KSR2: variants seen among roughly 807,000 people sequenced by gnomAD.
KSR2 encodes the protein kinase suppressor of ras 2.
KSR2 carries 25 observed loss-of-function variants against 107.8 expected under a neutral mutation model. The ratio of observed to expected loss-of-function variants is 0.23; its 90% CI spans 0.17 to 0.32. The LOEUF is 0.32. Ranked by LOEUF, KSR2 falls within the 10% of genes least tolerant of loss-of-function variation. The pLI, the probability that KSR2 is intolerant of heterozygous loss-of-function variation, is 1.00. For synonymous variants in KSR2, 480 were observed against 507.0 expected (o/e 0.95, Z 0.71); for missense variants, 887 against 1,268.9 (o/e 0.70, Z 4.57).
intron 3 of KSR2, among the ~76,000 whole-genome samples, chr12:117,831,298 G>T (rs1211355272): frequency 2.0e-5 from 3 of 152,182 alleles, no homozygotes; most frequent in Non-Finnish European, 4.4e-5. Context: ...TTCCCTCGAG[G>T]AGAAGTTTCC....
At chr12:117,470,722 AAG>A (rs1290005275) in intron 18 of KSR2, among the ~76,000 whole-genome samples, 1 of 152,200 alleles carries the variant, frequency 6.6e-6, no homozygotes, top group East Asian at 1.9e-4. Flanking sequence ...TTCTGATCAA[AAG>A]AGAGGATTCT....
At chr12:117,485,482 T>A (rs1872410199) in intron 15 of KSR2, 113 bp downstream of exon 15, 2 of 750,038 alleles carry the variant, frequency 2.7e-6, no homozygotes, top group Non-Finnish European at 4.6e-6. Context: ...TAAGTCCAGA[T>A]TGGTAGTCTG....
At chr12:117,593,464 T>C (rs1298309816) in intron 5 of KSR2, among the ~76,000 whole-genome samples, 1 of 152,210 alleles carries the variant, frequency 6.6e-6, no homozygotes, top group Non-Finnish European at 1.5e-5. Context: ...ACCCAGAAAC[T>C]GGTGAAGACT....
intron 3 of KSR2, among the ~76,000 whole-genome samples, chr12:117,815,993 G>A (rs1329587249): frequency 7.4e-5 from 2 of 27,078 alleles, no homozygotes; most frequent in East Asian, 2.4e-3. Context: ...AAAATAAAGT[G>A]TGTGTGTGTG....
rs890279359 is a variant in KSR2, at chr12:117,718,345, T to C, written c.986+42666A>G. 3.9e-5 allele frequency among the ~76,000 whole-genome samples: 6 copies of C among 152,206 alleles called. 1 individual carries two copies. The highest frequency in any genetic ancestry group is 3.9e-4 in the Admixed American group (6 of 15,276). On this transcript the variant is annotated intron_variant, in intron 4 of 19. Transcript: ENST00000339824. The stretch of plus-strand genomic sequence containing the variant: ...CTGAAACCCTGTTGTTCACTGTCCA[T>C]GGAAGGAAAGAGATTGCTCAGCAAC...
At chr12:117,968,047 T>C in intron 1 of KSR2, 29 bp downstream of exon 1, 2 of 1,209,034 alleles carry the variant, frequency 1.7e-6, no homozygotes, top group African/African-American at 1.6e-5. Context: ...TTTTTTTTTT[T>C]TTTTTTTTTT....
chr12:117,611,652 C>T (rs1881608618), intron 5 of KSR2, among the ~76,000 whole-genome samples: 2 of 152,186 alleles, frequency 1.3e-5, no homozygotes, highest in Non-Finnish European at 2.9e-5. Context: ...GTAGAAATGA[C>T]AGCTGAGCTC....
At chr12:117,769,735 C>T (rs1464145511) in intron 3 of KSR2, among the ~76,000 whole-genome samples, 1 of 152,148 alleles carries the variant, frequency 6.6e-6, no homozygotes, top group Non-Finnish European at 1.5e-5. Flanking sequence ...TCATTTTGAG[C>T]CTGACACAGA....
At chr12:117,503,952 C>T (rs373214044) in intron 14 of KSR2, among the ~76,000 whole-genome samples, 20 of 152,108 alleles carry the variant, frequency 1.3e-4, no homozygotes, top group Non-Finnish European at 2.2e-4. Flanking sequence ...GTTGAAAAAA[C>T]GTAGTTCTTT....
intron 5 of KSR2, among the ~76,000 whole-genome samples, chr12:117,588,923 C>A (rs1593024610): frequency 6.6e-6 from 1 of 152,174 alleles, no homozygotes; most frequent in African/African-American, 2.4e-5. Context: ...AATGCTCAGA[C>A]ATATTTACCG....
chr12:117,700,474 T>C (rs1886256922), intron 4 of KSR2, among the ~76,000 whole-genome samples: 1 of 152,182 alleles, frequency 6.6e-6, no homozygotes. Context: ...TAGAACAAGG[T>C]CCTTAATGAA....
intron 9 of KSR2, among the ~76,000 whole-genome samples, chr12:117,552,138 G>A (rs546723802): frequency 2.6e-4 from 39 of 152,322 alleles, no homozygotes; most frequent in South Asian, 8.3e-4. Context: ...CAATAACAAA[G>A]GAAAAGTGGA....
intron 4 of KSR2, among the ~76,000 whole-genome samples, chr12:117,719,521 T>C (rs1223438238): frequency 6.6e-6 from 1 of 152,196 alleles, no homozygotes; most frequent in Non-Finnish European, 1.5e-5. Context: ...GCATTCAATG[T>C]GGCAACAGTC....
At chr12:117,928,245 T>TC (rs1895594847) in intron 1 of KSR2, among the ~76,000 whole-genome samples, 9 of 151,718 alleles carry the variant, frequency 5.9e-5, no homozygotes, top group African/African-American at 2.2e-4. Context: ...AGTGGTGCAG[T>TC]ATCAGCTCAC....
At chr12:117,931,352 A>C (rs1593379535) in intron 1 of KSR2, among the ~76,000 whole-genome samples, 2 of 152,174 alleles carry the variant, frequency 1.3e-5, no homozygotes, top group Non-Finnish European at 2.9e-5. Context: ...CAGGTGAAGA[A>C]TAGATGAGAA....
intron 5 of KSR2, among the ~76,000 whole-genome samples, chr12:117,595,421 G>C (rs1000689174): frequency 1.1e-4 from 14 of 128,078 alleles, no homozygotes; most frequent in African/African-American, 4.0e-4. Flanking sequence ...GCGGACTGCA[G>C]TGGCGCAATC....
rs180799110 is a variant in KSR2 at position 117,904,824 on chromosome 12, G to A, written c.181-44393C>T. Reference sequence around the variant, plus strand: ...TTCCAAAACTTGTCACCTGCACACCGTCCTTCTGACCTTTGCCAAAATCAC... The same window carrying A: ...TTCCAAAACTTGTCACCTGCACACCATCCTTCTGACCTTTGCCAAAATCAC... On this transcript the variant is annotated intron_variant, in intron 1 of 19. Coordinates refer to ENST00000339824, the MANE Select transcript of KSR2 (RefSeq NM_173598.6). Among the ~76,000 whole-genome samples, 236 of 152,150 alleles carry A rather than the reference G, an allele frequency of 1.6e-3. 2 individuals are homozygous for A. The highest frequency in any genetic ancestry group is 5.5e-3 in the African/African-American group (230 of 41,512).
At chr12:117,481,900 G>A (rs1422018371) in intron 16 of KSR2, among the ~76,000 whole-genome samples, 2 of 152,172 alleles carry the variant, frequency 1.3e-5, no homozygotes, top group African/African-American at 4.8e-5. Flanking sequence ...GGCAGTTACT[G>A]AAGATGCCTT....
At chr12:117,656,990 A>AG (rs768906038) in intron 5 of KSR2, among the ~76,000 whole-genome samples, 5,653 of 35,498 alleles carry the variant, frequency 0.16, 227 homozygotes, top group Admixed American at 0.3. Context: ...GGATATATAT[A>AG]TATATATATA....
Sources: allele counts gnomAD v4.1 joint callset (sites outside exome capture counted in the v4.1 genomes callset), GRCh38; gene constraint gnomAD v4.1.1; transcripts MANE v1.5; gene names NCBI Gene and HGNC (gene_info 2026-07-23, HGNC 2026-07-21).